Variants in FRMD3 observed in about 807,000 individuals in gnomAD.
FRMD3 encodes FERM domain-containing protein 3.
FRMD3 carries 33 observed loss-of-function variants against 70.2 expected under a neutral mutation model. The observed-to-expected ratio is 0.47, with a 90% CI of 0.36 to 0.63. The LOEUF is 0.63. Ranked by LOEUF, FRMD3 falls within the 20% of genes least tolerant of loss-of-function variation. The pLI is 0.00. For synonymous variants in FRMD3, 279 were observed against 255.9 expected (o/e 1.09, Z -0.86); for missense variants, 632 against 711.4 (o/e 0.89, Z 1.27).
At chr9:83,579,729 T>A in the FRMD3 span, among the ~76,000 whole-genome samples, 1 of 152,034 alleles carries the variant, frequency 6.6e-6, no homozygotes, top group Non-Finnish European at 1.5e-5. Flanking sequence ...CTGGGCGCAA[T>A]GGTTTTTTGG....
At chr9:83,358,923 A>G (rs1276405216) in intron 3 of FRMD3, among the ~76,000 whole-genome samples, 1 of 152,114 alleles carries the variant, frequency 6.6e-6, no homozygotes, top group Non-Finnish European at 1.5e-5. Flanking sequence ...TTGCTCACTC[A>G]TTCTCCAACT....
intron 13 of FRMD3, among the ~76,000 whole-genome samples, chr9:83,268,362 G>T (rs966934256): frequency 1.1e-4 from 16 of 152,140 alleles, no homozygotes; most frequent in African/African-American, 3.4e-4. Flanking sequence ...TATAGCTGTG[G>T]TATTCTTTGA....
Position 83,402,405 on chromosome 9 carries a change from C to T in FRMD3, c.148-12697G>A, listed in dbSNP as rs562407026. Among the ~76,000 whole-genome samples the T allele has an allele frequency of 2.3e-4, 35 of 151,740 alleles. No homozygotes were observed. In the South Asian group the frequency reaches 5.9e-3, roughly 25 times the overall value. The stretch of plus-strand genomic sequence containing the variant: ...CAAGAGCCTTGGGCTGAGGGATTCT[C>T]CAGTTTCTGAGAATCATCTGACAAT... On this transcript the variant is annotated intron_variant, in intron 1 of 13. Transcript: ENST00000304195.
chr9:83,326,879 T>C (rs1327402417), intron 6 of FRMD3, among the ~76,000 whole-genome samples: 1 of 152,240 alleles, frequency 6.6e-6, no homozygotes, highest in Non-Finnish European at 1.5e-5. Context: ...GGTCAAGTAA[T>C]TGTGTATTTA....
chr9:83,244,934 T>A lies in FRMD3; in HGVS notation c.*2984A>T, dbSNP rs1436508659. 1.0e-6 allele frequency: 1 copy of A among 984,662 alleles called. No individual in the cohort carries two copies. Among genetic ancestry groups the A allele is most frequent in the African/African-American group, 1.7e-5 (1 of 57,226 alleles). 61.0% of individuals were successfully genotyped at this position (984,662 alleles called of 1,614,324 possible). A position where few individuals can be genotyped will look rare whatever the true frequency, so the allele number is the denominator to read the frequency against. On this transcript the variant is annotated 3_prime_UTR_variant, in exon 14 of 14. Transcript: ENST00000304195. ...TTCATGATCCAACTTGCATTAGCAC[T>A]AAAGGCAATATTGTGTGTGTATATG...
intron 13 of FRMD3, among the ~76,000 whole-genome samples, chr9:83,280,577 C>G (rs1833942499): frequency 6.6e-6 from 1 of 152,172 alleles, no homozygotes; most frequent in Non-Finnish European, 1.5e-5. Context: ...TTCAGAGTTT[C>G]AAAAACATAT....
intron 1 of FRMD3, among the ~76,000 whole-genome samples, chr9:83,426,421 T>C (rs1274169165): frequency 6.6e-6 from 1 of 152,260 alleles, no homozygotes; most frequent in Non-Finnish European, 1.5e-5. Flanking sequence ...AAGGCAGTTA[T>C]TCTGATACAA....
intron 2 of FRMD3, among the ~76,000 whole-genome samples, chr9:83,383,843 C>A (rs1292608290): frequency 6.6e-6 from 1 of 152,176 alleles, no homozygotes; most frequent in African/African-American, 2.4e-5. Context: ...GGCTAAGTGA[C>A]TTCTAGATGG....
chr9:83,348,229 TCTCTC>T (rs1385382381), intron 4 of FRMD3, among the ~76,000 whole-genome samples: 5 of 152,262 alleles, frequency 3.3e-5, no homozygotes, highest in African/African-American at 1.2e-4. Flanking sequence ...GCTCGCTCGC[TCTCTC>T]CTCTCTCTCT....
chr9:83,282,507 C>T (rs141890348), intron 13 of FRMD3, among the ~76,000 whole-genome samples: 1 of 150,734 alleles, frequency 6.6e-6, no homozygotes, highest in African/African-American at 2.4e-5. Flanking sequence ...TTCCCATTCT[C>T]ATAGTAAAAA....
chr9:83,436,771 G>A (rs1269522381), intron 1 of FRMD3, among the ~76,000 whole-genome samples: 4 of 111,950 alleles, frequency 3.6e-5, no homozygotes, highest in African/African-American at 1.0e-4. Flanking sequence ...TTTCCAACCT[G>A]GACCAAGGGG....
chr9:83,353,611 G>C (rs1774664168), intron 3 of FRMD3, among the ~76,000 whole-genome samples: 1 of 152,168 alleles, frequency 6.6e-6, no homozygotes. Flanking sequence ...GGAACACTGA[G>C]GCCCTGCCAT....
chr9:83,255,453 C>T (rs1390132015), intron 13 of FRMD3, among the ~76,000 whole-genome samples: 1 of 151,930 alleles, frequency 6.6e-6, no homozygotes, highest in South Asian at 2.1e-4. Context: ...TGGAAGCATT[C>T]CCCCTGAAAA....
chr9:83,256,961 G>T (rs1156975303), intron 13 of FRMD3, among the ~76,000 whole-genome samples: 2 of 152,132 alleles, frequency 1.3e-5, no homozygotes, highest in African/African-American at 2.4e-5. Context: ...AAGACAGTGT[G>T]GCGATTCCTT....
At chr9:83,341,580 G>C (rs553088391) in intron 5 of FRMD3, among the ~76,000 whole-genome samples, 1 of 152,156 alleles carries the variant, frequency 6.6e-6, no homozygotes, top group East Asian at 1.9e-4. Context: ...TGGAGGAAGG[G>C]AACTATGGGA....
intron 6 of FRMD3, among the ~76,000 whole-genome samples, chr9:83,328,871 A>T (rs1203670597): frequency 6.6e-6 from 1 of 152,234 alleles, no homozygotes; most frequent in Non-Finnish European, 1.5e-5. Context: ...TCACTGTTAT[A>T]GTCTCATTGA....
chr9:83,571,963 C>T, the FRMD3 span, among the ~76,000 whole-genome samples: 3 of 152,226 alleles, frequency 2.0e-5, no homozygotes, highest in Admixed American at 6.5e-5. Context: ...GCTGGGCCCA[C>T]ACCCAGAATT....
At chr9:83,320,113 T>C (rs560272657) in intron 6 of FRMD3, among the ~76,000 whole-genome samples, 96 of 152,352 alleles carry the variant, frequency 6.3e-4, no homozygotes, top group African/African-American at 2.1e-3. Context: ...CAGGGAAAAT[T>C]TGACTTCCTT....
intron 1 of FRMD3, among the ~76,000 whole-genome samples, chr9:83,529,286 T>A (rs1308143723): frequency 1.3e-5 from 2 of 152,172 alleles, no homozygotes; most frequent in African/African-American, 4.8e-5. Context: ...TGCAAAAGGA[T>A]AAAGTTAGAC....
Sources: gnomAD v4.1 joint callset for allele counts (sites outside exome capture counted in the v4.1 genomes callset) on GRCh38, gnomAD v4.1.1 for gene constraint, MANE v1.5 for transcripts, NCBI Gene and HGNC (gene_info 2026-07-23, HGNC 2026-07-21) for gene names.